Variants in IL1RL2 observed in about 807,000 individuals in gnomAD.
The protein encoded by IL1RL2 is interleukin 1 receptor like 2, also known as interleukin-1 receptor-like 2.
A neutral mutation model predicts 66.8 loss-of-function variants in IL1RL2; 68 were observed. The ratio of observed to expected loss-of-function variants is 1.02; its 90% CI spans 0.84 to 1.25. The LOEUF (loss-of-function observed/expected upper bound fraction) is 1.25, where lower values mean the gene tolerates loss of function less well. IL1RL2 is among the 50% of genes most tolerant of loss of function. The probability of loss-of-function intolerance (pLI) is 0.00; values close to 1 mark genes in which losing one functional copy is unlikely to be tolerated. For missense variants in IL1RL2, 729 were observed against 709.3 expected, an observed-to-expected ratio of 1.03 and a Z score of -0.32; for synonymous variants, 305 against 264.6, an observed-to-expected ratio of 1.15 and a Z score of -1.48.
chr2:102,196,840 T>C (rs1687827430), intron 4 of IL1RL2, among the ~76,000 whole-genome samples: 1 of 152,110 alleles, frequency 6.6e-6, no homozygotes, highest in African/African-American at 2.4e-5. Context: ...TGCTAGAAAA[T>C]AAACACCATT....
intron 6 of IL1RL2, among the ~76,000 whole-genome samples, chr2:102,214,095 T>C (rs1689407400): frequency 6.6e-6 from 1 of 152,222 alleles, no homozygotes; most frequent in South Asian, 2.1e-4. Context: ...ACATTACTCA[T>C]TATGTGAATA....
At chr2:102,193,081 C>T (rs551611413) in intron 4 of IL1RL2, among the ~76,000 whole-genome samples, 1 of 152,232 alleles carries the variant, frequency 6.6e-6, no homozygotes, top group Admixed American at 6.5e-5. Flanking sequence ...CACACACACA[C>T]TTACTTGATT....
downstream of IL1RL2, among the ~76,000 whole-genome samples, chr2:102,241,658 C>A (rs1675235160): frequency 6.6e-6 from 1 of 152,170 alleles, no homozygotes; most frequent in South Asian, 2.1e-4. Flanking sequence ...CTAAGCTAAG[C>A]TCTTTAAGTA....
intron 4 of IL1RL2, among the ~76,000 whole-genome samples, chr2:102,199,291 C>G (rs1688038643): frequency 6.6e-6 from 1 of 152,204 alleles, no homozygotes; most frequent in African/African-American, 2.4e-5. Flanking sequence ...ATCTGATTGT[C>G]TTATTCTCTT....
At chr2:102,229,098 A>T (rs1362219709) in intron 9 of IL1RL2, among the ~76,000 whole-genome samples, 1 of 152,248 alleles carries the variant, frequency 6.6e-6, no homozygotes, top group Non-Finnish European at 1.5e-5. Context: ...TTCTGGTTTC[A>T]TCAGGCCTAA....
Position 102,238,571 on chromosome 2 carries a change from G to C in IL1RL2, c.1679-621G>C, listed in dbSNP as rs545814072. 3.3e-5 allele frequency among the ~76,000 whole-genome samples: 5 copies of C among 152,292 alleles called. No homozygotes were observed. The South Asian group carries it at 1.0e-3, about 32-fold the overall frequency. ...GTTGGTTGACCTTTCCTCGGCACTT[G>C]GTCCTGTTTTTTATTTATAAACTTC... On this transcript the variant is annotated intron_variant, in intron 11 of 11. Transcript: ENST00000264257.
In IL1RL2 at chr2:102,201,549, G is replaced by A. The variant is rs2104759281; in HGVS notation, c.490-7G>A. On this transcript the variant is annotated splice_polypyrimidine_tract_variant and splice_region_variant and intron_variant, in intron 4 of 11. Transcript: ENST00000264257. ...ATTGAATTGAATTTTGTTTTTATTT[G>A]TATTAGGACTGTAACGAGATTAAAG... 1 of 1,613,460 alleles carries A rather than the reference G, an allele frequency of 6.2e-7. No homozygotes were observed. The highest frequency in any genetic ancestry group is 8.5e-7 in the Non-Finnish European group (1 of 1,179,570).
chr2:102,208,162 C>T (rs62156407), intron 5 of IL1RL2, among the ~76,000 whole-genome samples: 9,227 of 152,206 alleles, frequency 0.061, 351 homozygotes, highest in Non-Finnish European at 0.069. Context: ...TCATTGGTGT[C>T]CTTTTCTGTG....
intron 11 of IL1RL2, among the ~76,000 whole-genome samples, chr2:102,237,775 C>T (rs566683422): frequency 2.8e-4 from 43 of 152,046 alleles, no homozygotes; most frequent in African/African-American, 9.9e-4. Context: ...GTAACAGCTC[C>T]GCTCATGGTC....
At chr2:102,187,190 G>A in intron 1 of IL1RL2, 104 bp downstream of exon 1, 1 of 1,239,008 alleles carries the variant, frequency 8.1e-7, no homozygotes, top group South Asian at 1.3e-5. Context: ...GCCACCGCAG[G>A]CCAGGGATCA....
chr2:102,231,027 A>G (rs752484523), intron 9 of IL1RL2, among the ~76,000 whole-genome samples: 1 of 152,094 alleles, frequency 6.6e-6, no homozygotes, highest in Non-Finnish European at 1.5e-5. Flanking sequence ...AAAGGACACC[A>G]CCCCTCTCTA....
intron 8 of IL1RL2, among the ~76,000 whole-genome samples, chr2:102,223,596 G>A (rs547505165): frequency 1.1e-4 from 17 of 152,178 alleles, no homozygotes; most frequent in East Asian, 3.9e-4. Flanking sequence ...CTTTTAGCTC[G>A]TTTACAGAGC....
chr2:102,193,264 T>G (rs1027758141), intron 4 of IL1RL2, among the ~76,000 whole-genome samples: 1 of 152,208 alleles, frequency 6.6e-6, no homozygotes, highest in African/African-American at 2.4e-5. Flanking sequence ...CGTTTGCCAG[T>G]GAATGCATTC....
At chr2:102,200,116 G>GAAA (rs1559534394) in intron 4 of IL1RL2, among the ~76,000 whole-genome samples, 1 of 52,890 alleles carries the variant, frequency 1.9e-5, no homozygotes. Flanking sequence ...CCCTGTTCCA[G>GAAA]CAAAAAAAAA....
chr2:102,201,769 C>A, intron 5 of IL1RL2, 54 bp downstream of exon 5: 1 of 1,546,336 alleles, frequency 6.5e-7, no homozygotes, highest in Non-Finnish European at 8.8e-7. Context: ...TTTGTGTGAA[C>A]TGGCTTCTGG....
rs976112264 is a variant in IL1RL2, at chr2:102,235,835, G to A, written c.1678+558G>A. ...ACAAAGAGCTGCAAACACAGCCTTA[G>A]CACTTTGCTTCCAGAAGCAAGTTAA... On this transcript the variant is annotated intron_variant, in intron 11 of 11. Transcript: ENST00000264257. The A allele has an allele frequency of 8.1e-6, 8 of 985,322 alleles. No homozygotes were observed. In the African/African-American group the frequency reaches 1.2e-4, roughly 15 times the overall value. The allele number at this position is 985,322 out of a possible 1,614,324, so 61.0% of individuals were successfully genotyped here. A position where few individuals can be genotyped will look rare whatever the true frequency, so the allele number is the denominator to read the frequency against.
At chr2:102,189,696 C>A (rs1311107551) in intron 3 of IL1RL2, among the ~76,000 whole-genome samples, 5 of 152,362 alleles carry the variant, frequency 3.3e-5, no homozygotes, top group Middle Eastern at 3.4e-3. Context: ...CGGCTCACTG[C>A]AACCTCCGCC....
chr2:102,231,055 T>A (rs758679284), intron 9 of IL1RL2, among the ~76,000 whole-genome samples: 5 of 152,260 alleles, frequency 3.3e-5, no homozygotes, highest in African/African-American at 7.2e-5. Flanking sequence ...CTAGGCTGTC[T>A]GAGTTTCTAA....
chr2:102,212,886 G>A (rs999473838), intron 6 of IL1RL2, among the ~76,000 whole-genome samples: 5 of 152,076 alleles, frequency 3.3e-5, no homozygotes, highest in Admixed American at 6.5e-5. Flanking sequence ...GGAGAATGGC[G>A]TGAACCCGGG....
Sources: gnomAD v4.1 joint callset for allele counts (sites outside exome capture counted in the v4.1 genomes callset) on GRCh38, gnomAD v4.1.1 for gene constraint, MANE v1.5 for transcripts, NCBI Gene and HGNC (gene_info 2026-07-23, HGNC 2026-07-21) for gene names.